TCF7L2: variants seen among roughly 807,000 people sequenced by gnomAD.
TCF7L2 encodes transcription factor 7 like 2.
Under a neutral mutation model 77.9 loss-of-function variants are expected in TCF7L2, and 23 were observed. The observed-to-expected ratio is 0.30, with a 90% CI of 0.21 to 0.42. The LOEUF is 0.42. Ranked by LOEUF, TCF7L2 falls within the 10% of genes least tolerant of loss-of-function variation. TCF7L2 has a pLI of 1.00. For missense variants in TCF7L2, 654 were observed against 793.1 expected, an observed-to-expected ratio of 0.82 and a Z score of 2.11; for synonymous variants, 413 against 340.2, an observed-to-expected ratio of 1.21 and a Z score of -2.36.
chr10:113,134,620 A>T (rs1275640990), intron 5 of TCF7L2, among the ~76,000 whole-genome samples: 1 of 152,222 alleles, frequency 6.6e-6, no homozygotes, highest in African/African-American at 2.4e-5. Context: ...AACTTACCAC[A>T]TCTTCAGTGA....
intron 4 of TCF7L2, among the ~76,000 whole-genome samples, chr10:113,009,119 A>G (rs1210550452): frequency 5.9e-5 from 9 of 152,062 alleles, no homozygotes; most frequent in East Asian, 1.9e-4. Flanking sequence ...AATTTTTTGA[A>G]GAGATGGGGT....
At chr10:113,018,820 G>T (rs1024755401) in intron 4 of TCF7L2, among the ~76,000 whole-genome samples, 11 of 152,124 alleles carry the variant, frequency 7.2e-5, no homozygotes, top group African/African-American at 2.4e-4. Context: ...CTCTGGCTGG[G>T]GTGGACTGCC....
At chr10:112,964,812 T>TGGTGGTGGTGGTGGGG (rs1564719427) in intron 4 of TCF7L2, among the ~76,000 whole-genome samples, 188 bp downstream of exon 4, 1 of 38,282 alleles carries the variant, frequency 2.6e-5, no homozygotes, top group Non-Finnish European at 5.1e-5. Context: ...GTGGTGGTGG[T>TGGTGGTGGTGGTGGGG]GGGGGGGGGT....
At chr10:113,109,243 GA>G (rs1564906457) in intron 5 of TCF7L2, among the ~76,000 whole-genome samples, 2 of 152,306 alleles carry the variant, frequency 1.3e-5, no homozygotes, top group South Asian at 4.1e-4. Flanking sequence ...CAGAAGACCT[GA>G]GCTCAAATCC....
At chr10:113,013,114 G>GTTTTT (rs35964949) in intron 4 of TCF7L2, among the ~76,000 whole-genome samples, 4 of 109,916 alleles carry the variant, frequency 3.6e-5, no homozygotes, top group East Asian at 4.6e-4. Flanking sequence ...TAAGCAAGTG[G>GTTTTT]TTTTTTTTTT....
chr10:112,992,204 C>G (rs1039052229), intron 4 of TCF7L2, among the ~76,000 whole-genome samples: 1 of 152,176 alleles, frequency 6.6e-6, no homozygotes, highest in Admixed American at 6.5e-5. Flanking sequence ...GGGCCTCAGT[C>G]CCTCCAGGAC....
intron 5 of TCF7L2, chr10:113,125,752 G>C (rs1254440005): frequency 6.6e-6 from 1 of 152,104 alleles, no homozygotes; most frequent in Non-Finnish European, 1.5e-5. Flanking sequence ...TGAGCTGAAG[G>C]CTTTTAAAGT....
chr10:113,053,640 A>G (rs1226729109), intron 5 of TCF7L2, among the ~76,000 whole-genome samples: 1 of 152,220 alleles, frequency 6.6e-6, no homozygotes, highest in African/African-American at 2.4e-5. Flanking sequence ...GAAAACTTAG[A>G]GGTCTAGTGA....
intron 12 of TCF7L2, among the ~76,000 whole-genome samples, chr10:113,159,301 C>T (rs1415641372): frequency 1.3e-5 from 2 of 152,082 alleles, no homozygotes; most frequent in East Asian, 3.9e-4. Context: ...TTTATCTTTT[C>T]CTCTCTTAAT....
At chr10:113,064,552 C>A (rs892867897) in intron 5 of TCF7L2, among the ~76,000 whole-genome samples, 3 of 152,208 alleles carry the variant, frequency 2.0e-5, no homozygotes, top group Non-Finnish European at 4.4e-5. Flanking sequence ...TATTCTAAAG[C>A]CCTCTTGTTT....
At chr10:113,005,611 G>T (rs567363173) in intron 4 of TCF7L2, among the ~76,000 whole-genome samples, 1 of 152,222 alleles carries the variant, frequency 6.6e-6, no homozygotes, top group Non-Finnish European at 1.5e-5. Context: ...CTCACCCCCT[G>T]CCACCCTGTT....
At chr10:113,159,882 TCTC>T (rs752793574) in intron 12 of TCF7L2, 35 bp from the exon 14 acceptor site, 4 of 1,053,446 alleles carry the variant, frequency 3.8e-6, no homozygotes, top group African/African-American at 3.8e-5. Flanking sequence ...TCTCCCACGT[TCTC>T]CTCCTCTGCT....
intron 3 of TCF7L2, among the ~76,000 whole-genome samples, chr10:112,956,289 G>A (rs1178725760): frequency 6.8e-6 from 1 of 147,432 alleles, no homozygotes; most frequent in Non-Finnish European, 1.5e-5. Context: ...TGCACAGGAA[G>A]TAGATGACAT....
chr10:113,037,220 CCAAAAGG>C (rs1248894525), intron 4 of TCF7L2, among the ~76,000 whole-genome samples: 3 of 152,080 alleles, frequency 2.0e-5, no homozygotes, highest in African/African-American at 7.2e-5. Flanking sequence ...ACTTATTTCC[CCAAAAGG>C]CACTTCATCA....
chr10:113,117,456 T>A (rs1346988709), intron 5 of TCF7L2, among the ~76,000 whole-genome samples: 1 of 113,864 alleles, frequency 8.8e-6, no homozygotes, highest in Non-Finnish European at 1.7e-5. Context: ...TCTCTCTCTC[T>A]CTTCTCCCCC....
chr10:113,048,730 AGGC>A (rs138371780), intron 5 of TCF7L2, among the ~76,000 whole-genome samples: 1,732 of 152,300 alleles, frequency 0.011, 13 homozygotes, highest in Middle Eastern at 0.02. Flanking sequence ...CCAGAAAGTC[AGGC>A]TGAGGGCTCC....
chr10:112,963,951 G>A (rs1025541469), intron 3 of TCF7L2, among the ~76,000 whole-genome samples: 2 of 152,160 alleles, frequency 1.3e-5, no homozygotes, highest in Non-Finnish European at 2.9e-5. Flanking sequence ...GAGTGCAGGC[G>A]ACAGAGATGG....
chr10:113,036,113 CACCATCAT>C (rs1564810723), intron 4 of TCF7L2, among the ~76,000 whole-genome samples: 3 of 111,420 alleles, frequency 2.7e-5, no homozygotes, highest in East Asian at 2.8e-4. Flanking sequence ...TCATCATCAT[CACCATCAT>C]CATCATCATC....
chr10:113,046,280 T>G (rs1219156124), intron 5 of TCF7L2, among the ~76,000 whole-genome samples: 5 of 152,200 alleles, frequency 3.3e-5, no homozygotes, highest in Admixed American at 3.3e-4. Flanking sequence ...TCACAACAAT[T>G]TGCAGGGCCT....
Sources: gnomAD v4.1 joint callset for allele counts (sites outside exome capture counted in the v4.1 genomes callset) on GRCh38, gnomAD v4.1.1 for gene constraint, MANE v1.5 for transcripts, NCBI Gene and HGNC (gene_info 2026-07-23, HGNC 2026-07-21) for gene names.